The following AGTPBP1 variants were observed in gnomAD, a reference collection of about 807,000 sequenced individuals.
AGTPBP1 encodes cytosolic carboxypeptidase 1.
In AGTPBP1, 70 loss-of-function variants were observed where a neutral mutation model predicts 143.9. That is an observed-to-expected ratio of 0.49 (90% confidence interval 0.40 to 0.59). AGTPBP1 has a LOEUF of 0.59. AGTPBP1 is among the 20% of genes least tolerant of loss of function. The pLI, the probability that AGTPBP1 is intolerant of heterozygous loss-of-function variation, is 0.00. For synonymous variants in AGTPBP1, 463 were observed against 500.2 expected (o/e 0.93, Z 0.99); for missense variants, 1,229 against 1,464.5 (o/e 0.84, Z 2.62).
At chr9:85,644,749 G>C (rs544917002) in intron 12 of AGTPBP1, among the ~76,000 whole-genome samples, 1 of 151,838 alleles carries the variant, frequency 6.6e-6, no homozygotes, top group Admixed American at 6.6e-5. Context: ...CAAAGAAAAT[G>C]GAATCACAGG....
At chr9:85,674,928 G>T (rs183085478) in intron 6 of AGTPBP1, among the ~76,000 whole-genome samples, 1 of 151,790 alleles carries the variant, frequency 6.6e-6, no homozygotes, top group East Asian at 1.9e-4. Flanking sequence ...ACAGAGTCTC[G>T]CTCTGTCACC....
chr9:85,653,905 A>G (rs912975509), intron 11 of AGTPBP1, among the ~76,000 whole-genome samples: 5 of 152,188 alleles, frequency 3.3e-5, no homozygotes, highest in Admixed American at 1.3e-4. Flanking sequence ...CACTGCTTTT[A>G]CTTAGCTTTC....
intron 25 of AGTPBP1, among the ~76,000 whole-genome samples, chr9:85,555,568 C>A (rs1013530902): frequency 6.6e-6 from 1 of 152,166 alleles, no homozygotes. Context: ...CACTGCACTC[C>A]AGCCTGGCGA....
At chr9:85,565,670 C>T (rs1827038998) in intron 25 of AGTPBP1, among the ~76,000 whole-genome samples, 1 of 152,190 alleles carries the variant, frequency 6.6e-6, no homozygotes, top group Non-Finnish European at 1.5e-5. Context: ...TCTTCCCCTA[C>T]TGATTCCATG....
At chr9:85,641,565 C>A (rs1213952861) in intron 13 of AGTPBP1, among the ~76,000 whole-genome samples, 1 of 152,000 alleles carries the variant, frequency 6.6e-6, no homozygotes, top group Non-Finnish European at 1.5e-5. Flanking sequence ...TACCAAGACA[C>A]CAGAGCAGGG....
chr9:85,757,265 A>C, the AGTPBP1 span, among the ~76,000 whole-genome samples: 100 of 152,050 alleles, frequency 6.6e-4, no homozygotes, highest in Non-Finnish European at 2.8e-4. Flanking sequence ...CGGGGTTTCA[A>C]CATATTGGTC....
At chr9:85,573,444 C>T (rs1239280997) in intron 25 of AGTPBP1, among the ~76,000 whole-genome samples, 7 of 152,146 alleles carry the variant, frequency 4.6e-5, no homozygotes, top group Non-Finnish European at 7.4e-5. Flanking sequence ...GGCGTGATCT[C>T]GGCCCGCTAC....
At chr9:85,705,966 A>C (rs147559220) in intron 2 of AGTPBP1, among the ~76,000 whole-genome samples, 1,713 of 151,998 alleles carry the variant, frequency 0.011, 30 homozygotes, top group African/African-American at 0.039. Context: ...CTGGGATTAC[A>C]GGTGTGAGCC....
rs965836360 is a variant in AGTPBP1 at position 85,590,314 on chromosome 9, T to TTA, written c.2569-635_2569-634dup. On this transcript the variant is annotated intron_variant, in intron 19 of 25. Transcript: ENST00000357081. Reference sequence around the variant, plus strand: ...TAAGCAAAACCATGATTACAGACTTTTATAATTTGATTTTATCACTTAAAA... The same window carrying TTA: ...TAAGCAAAACCATGATTACAGACTTTTATATAATTTGATTTTATCACTTAAAA... 3.5e-4 allele frequency among the ~76,000 whole-genome samples: 53 copies of TTA among 152,122 alleles called. 1 individual carries two copies. Among genetic ancestry groups the TTA allele is most frequent in the African/African-American group, 1.2e-3 (50 of 41,446 alleles).
At chr9:85,799,862 A>G in the AGTPBP1 span, among the ~76,000 whole-genome samples, 1 of 152,150 alleles carries the variant, frequency 6.6e-6, no homozygotes, top group Admixed American at 6.5e-5. Flanking sequence ...TGTTGATGAG[A>G]GCCTCTGTAG....
At chr9:85,588,143 T>C (rs1172196210) in intron 21 of AGTPBP1, among the ~76,000 whole-genome samples, 155 bp downstream of exon 21, 1 of 152,096 alleles carries the variant, frequency 6.6e-6, no homozygotes, top group Non-Finnish European at 1.5e-5. Flanking sequence ...CCAAAATGTA[T>C]TTTCATTTAA....
At chr9:85,641,783 C>T (rs1300193539) in intron 13 of AGTPBP1, among the ~76,000 whole-genome samples, 1 of 152,004 alleles carries the variant, frequency 6.6e-6, no homozygotes, top group African/African-American at 2.4e-5. Flanking sequence ...TCACTGCAAC[C>T]TCCATCTCCC....
At chr9:85,684,806 T>C (rs995913623) in intron 3 of AGTPBP1, among the ~76,000 whole-genome samples, 2 of 152,160 alleles carry the variant, frequency 1.3e-5, no homozygotes, top group African/African-American at 4.8e-5. Flanking sequence ...ATTCTTTCTT[T>C]AACAGCTTCA....
Position 85,555,321 on chromosome 9 carries a change from C to T in AGTPBP1, c.3504-8035G>A, listed in dbSNP as rs969523042. On this transcript the variant is annotated intron_variant, in intron 25 of 25. Transcript: ENST00000357081. ...AGGAGTAAAAAATAAGACAGTAGGC[C>T]GGGTGCAGTGGTACACGCCTGTAAT... Among the ~76,000 whole-genome samples the T allele has an allele frequency of 2.6e-5, 4 of 152,238 alleles. No individual in the cohort carries two copies. The South Asian group carries it at 6.2e-4, about 24-fold the overall frequency.
intron 3 of AGTPBP1, among the ~76,000 whole-genome samples, chr9:85,691,165 C>T (rs1835849330): frequency 1.3e-5 from 2 of 152,068 alleles, no homozygotes; most frequent in South Asian, 4.1e-4. Flanking sequence ...TTGATAAGTA[C>T]AATATTTCCA....
rs1333995786 is a variant in AGTPBP1, at chr9:85,672,604, T to G, written c.514A>C (p.Asn172His). The G allele has an allele frequency of 6.2e-7, 1 of 1,613,968 alleles. No homozygotes were observed. Among genetic ancestry groups the G allele is most frequent in the South Asian group, 1.1e-5 (1 of 91,076 alleles). ...AGGCAAGGTAGAACCAAGCGATGAT[T>G]CTGCAAATTCTGCTTGACCAAATTC... ...TLNLVKQNLQ[N>H]HRLVLPCLQL... Residue 172 changes from asparagine to histidine, a missense_variant, in exon 7 of 26, where the codon AAT becomes CAT. Asn to His is a moderately conservative substitution (Grantham distance 68). Coordinates refer to ENST00000357081, the MANE Select transcript of AGTPBP1 (RefSeq NM_001330701.2).
chr9:85,693,781 C>T (rs1051220781), intron 2 of AGTPBP1, among the ~76,000 whole-genome samples: 1 of 152,022 alleles, frequency 6.6e-6, no homozygotes, highest in East Asian at 1.9e-4. Flanking sequence ...AGAAAAAGCA[C>T]ATTGGGGGAA....
intron 19 of AGTPBP1, among the ~76,000 whole-genome samples, chr9:85,592,272 TA>T (rs1265883128): frequency 4.6e-5 from 7 of 150,856 alleles, no homozygotes; most frequent in South Asian, 2.1e-4. Flanking sequence ...ATATTTCTAT[TA>T]AAAAAAAATA....
intron 19 of AGTPBP1, 28 bp from the exon 20 acceptor site, chr9:85,589,709 A>G (rs1401718587): frequency 1.3e-6 from 2 of 1,582,680 alleles, no homozygotes; most frequent in Non-Finnish European, 8.6e-7. Context: ...AACAAAATAT[A>G]CAATCACTTA....
Sources: allele counts gnomAD v4.1 joint callset (sites outside exome capture counted in the v4.1 genomes callset), GRCh38; gene constraint gnomAD v4.1.1; transcripts MANE v1.5; gene names NCBI Gene and HGNC (gene_info 2026-07-23, HGNC 2026-07-21).